The following FYB1 variants were observed in gnomAD, a reference collection of about 807,000 sequenced individuals.
FYB1 encodes the protein FYN binding protein 1, also known as FYN-binding protein 1.
A neutral mutation model predicts 94.1 loss-of-function variants in FYB1; 41 were observed. The ratio of observed to expected loss-of-function variants is 0.44; its 90% CI spans 0.34 to 0.57. FYB1 has a LOEUF of 0.57. FYB1 is among the 20% of genes least tolerant of loss of function. The pLI is 0.02. For missense variants in FYB1, 1,050 were observed against 976.8 expected (o/e 1.07, Z -1.00); for synonymous variants, 367 against 353.2 (o/e 1.04, Z -0.44).
intron 3 of FYB1, among the ~76,000 whole-genome samples, chr5:39,148,155 TTATATA>T (rs10528848): frequency 0.035 from 1,321 of 37,392 alleles, 39 homozygotes; most frequent in South Asian, 0.044. Context: ...TATGTATTTT[TTATATA>T]TATATATATA....
Position 39,242,826 on chromosome 5 carries a change from G to A in FYB1, c.-28+31577C>T, listed in dbSNP as rs1165118339. 5.9e-5 allele frequency among the ~76,000 whole-genome samples: 9 copies of A among 152,176 alleles called. No individual in the cohort carries two copies. In the East Asian group the frequency reaches 1.5e-3, roughly 26 times the overall value. Reference sequence around the variant, plus strand: ...GCTGTTTCCTGACTTTTTAATGATCGCCATCCTAACTGGAGTGAGATGGTA... The same window carrying A: ...GCTGTTTCCTGACTTTTTAATGATCACCATCCTAACTGGAGTGAGATGGTA... On this transcript the variant is annotated intron_variant, in intron 1 of 1. Transcript: ENST00000510188.
intron 2 of FYB1, among the ~76,000 whole-genome samples, chr5:39,155,726 T>C (rs1279110588): frequency 6.6e-6 from 1 of 152,132 alleles, no homozygotes; most frequent in Non-Finnish European, 1.5e-5. Context: ...TTTAAAATTA[T>C]TAGTAATTTA....
chr5:39,265,768 A>G (rs893041264), intron 1 of FYB1, among the ~76,000 whole-genome samples: 2 of 152,238 alleles, frequency 1.3e-5, no homozygotes, highest in Non-Finnish European at 2.9e-5. Context: ...CCCTAAGTGT[A>G]ACCCGTGGGA....
intron 9 of FYB1, among the ~76,000 whole-genome samples, chr5:39,131,051 G>A (rs10069499): frequency 6.6e-6 from 1 of 151,902 alleles, no homozygotes; most frequent in African/African-American, 2.4e-5. Flanking sequence ...TTTACTCCTA[G>A]TCTAATAGCA....
At chr5:39,270,737 C>G in intron 1 of FYB1, 1 of 524,986 alleles carries the variant, frequency 1.9e-6, no homozygotes, top group Non-Finnish European at 3.3e-6. Context: ...TGCATGTTAT[C>G]TCAACCCTCA....
chr5:39,242,608 A>G (rs540759402), intron 1 of FYB1, among the ~76,000 whole-genome samples: 1 of 152,222 alleles, frequency 6.6e-6, no homozygotes, highest in East Asian at 1.9e-4. Flanking sequence ...ATATGTGTGC[A>G]TGTGTCTTTA....
chr5:39,261,618 G>C (rs760937769), intron 1 of FYB1, among the ~76,000 whole-genome samples: 1 of 152,022 alleles, frequency 6.6e-6, no homozygotes, highest in African/African-American at 2.4e-5. Context: ...GTGGTGGTGC[G>C]TGCCTGTAAT....
chr5:39,237,798 G>A (rs1751034180), intron 1 of FYB1, among the ~76,000 whole-genome samples: 1 of 152,074 alleles, frequency 6.6e-6, no homozygotes, highest in Non-Finnish European at 1.5e-5. Flanking sequence ...ACAAGAATGA[G>A]AGGTTTCTTA....
intron 2 of FYB1, chr5:39,169,897 T>C (rs1745092347): frequency 6.6e-6 from 4 of 601,586 alleles, no homozygotes; most frequent in Non-Finnish European, 1.3e-5. Context: ...CTTTCCTTTT[T>C]CCTTTTTGAT....
At chr5:39,168,629 G>A (rs1013785026) in intron 2 of FYB1, among the ~76,000 whole-genome samples, 3 of 152,080 alleles carry the variant, frequency 2.0e-5, no homozygotes, top group South Asian at 2.1e-4. Flanking sequence ...ACAATGCCAG[G>A]TTTTACAGCT....
chr5:39,263,619 C>T (rs1752316380), intron 1 of FYB1, among the ~76,000 whole-genome samples: 1 of 152,146 alleles, frequency 6.6e-6, no homozygotes, highest in African/African-American at 2.4e-5. Flanking sequence ...GCTCCGTTTC[C>T]ATACTCTCAG....
chr5:39,179,833 C>G (rs1746058660), intron 2 of FYB1, among the ~76,000 whole-genome samples: 1 of 152,264 alleles, frequency 6.6e-6, no homozygotes, highest in African/African-American at 2.4e-5. Context: ...AGTCTATTCA[C>G]CCCTACCTCC....
intron 16 of FYB1, among the ~76,000 whole-genome samples, chr5:39,116,921 G>T (rs1739623768): frequency 6.6e-6 from 1 of 152,116 alleles, no homozygotes; most frequent in Non-Finnish European, 1.5e-5. Flanking sequence ...TTCAAAGTTG[G>T]AGGAATGTTG....
intron 1 of FYB1, among the ~76,000 whole-genome samples, chr5:39,255,025 GTGGTTTTC>G (rs1751873195): frequency 6.6e-6 from 1 of 152,154 alleles, no homozygotes; most frequent in African/African-American, 2.4e-5. Flanking sequence ...AGTGTTAATA[GTGGTTTTC>G]TTTAGATAGT....
chr5:39,155,974 A>C (rs1164902345), intron 2 of FYB1, among the ~76,000 whole-genome samples: 1 of 152,214 alleles, frequency 6.6e-6, no homozygotes, highest in Admixed American at 6.5e-5. Context: ...AATGATTTAA[A>C]AGCTGTACCC....
At chr5:39,185,520 A>AT (rs1561229751) in intron 2 of FYB1, among the ~76,000 whole-genome samples, 1 of 136,738 alleles carries the variant, frequency 7.3e-6, no homozygotes, top group African/African-American at 2.9e-5. Flanking sequence ...ACTGACTAAA[A>AT]AAAAAATATA....
At chr5:39,235,315 T>C (rs1358584524) in intron 1 of FYB1, among the ~76,000 whole-genome samples, 1 of 151,354 alleles carries the variant, frequency 6.6e-6, no homozygotes, top group Non-Finnish European at 1.5e-5. Flanking sequence ...ATCTTAAAAA[T>C]GTTTTTCTTG....
chr5:39,259,152 G>T (rs1752108019), intron 1 of FYB1, among the ~76,000 whole-genome samples: 1 of 152,178 alleles, frequency 6.6e-6, no homozygotes, highest in African/African-American at 2.4e-5. Flanking sequence ...AGGTGCTACT[G>T]CTGTCTAGTT....
At chr5:39,270,760 A>G (rs1752641103) in intron 1 of FYB1, 2 of 472,488 alleles carry the variant, frequency 4.2e-6, no homozygotes, top group Admixed American at 7.5e-5. Flanking sequence ...GCATTTGTAT[A>G]GCTGGCCAGG....
Sources: gnomAD v4.1 joint callset for allele counts (sites outside exome capture counted in the v4.1 genomes callset) on GRCh38, gnomAD v4.1.1 for gene constraint, MANE v1.5 for transcripts, NCBI Gene and HGNC (gene_info 2026-07-23, HGNC 2026-07-21) for gene names.